TRPC1: variants seen among roughly 807,000 people sequenced by gnomAD.
The protein encoded by TRPC1 is short transient receptor potential channel 1.
In TRPC1, 42 loss-of-function variants were observed where a neutral mutation model predicts 88.2. The ratio of observed to expected loss-of-function variants is 0.48; its 90% CI spans 0.37 to 0.62. TRPC1 has a LOEUF of 0.62. Ranked by LOEUF, TRPC1 falls within the 20% of genes least tolerant of loss-of-function variation. The probability of loss-of-function intolerance (pLI) is 0.00; values close to 1 mark genes in which losing one functional copy is unlikely to be tolerated. For synonymous variants in TRPC1, 288 were observed against 331.8 expected, an observed-to-expected ratio of 0.87 and a Z score of 1.43; for missense variants, 699 against 957.3, an observed-to-expected ratio of 0.73 and a Z score of 3.56.
chr3:142,753,959 C>T (rs573753183), intron 4 of TRPC1, among the ~76,000 whole-genome samples: 7 of 151,928 alleles, frequency 4.6e-5, no homozygotes, highest in Admixed American at 1.3e-4. Flanking sequence ...GTGACTTGTA[C>T]CTGTGGTCCC....
intron 1 of TRPC1, among the ~76,000 whole-genome samples, chr3:142,728,713 A>G (rs574376808): frequency 6.6e-6 from 1 of 152,382 alleles, no homozygotes; most frequent in South Asian, 2.1e-4. Flanking sequence ...CAGAGTCAGA[A>G]GAAAAAAGTG....
chr3:142,740,783 TGAAAG>T (rs1934316144), intron 2 of TRPC1, among the ~76,000 whole-genome samples: 4 of 151,998 alleles, frequency 2.6e-5, no homozygotes, highest in Admixed American at 2.6e-4. Flanking sequence ...TTTGACACAA[TGAAAG>T]GAAGAAGAAA....
At chr3:142,744,202 A>G (rs1934455371) in intron 3 of TRPC1, among the ~76,000 whole-genome samples, 1 of 152,112 alleles carries the variant, frequency 6.6e-6, no homozygotes, top group African/African-American at 2.4e-5. Flanking sequence ...ATGATAATCA[A>G]ATACAGTAAG....
chr3:142,803,875 G>T, intron 10 of TRPC1, 102 bp from the exon 11 acceptor site: 3 of 1,199,282 alleles, frequency 2.5e-6, no homozygotes, highest in Admixed American at 4.4e-5. Context: ...ACTTTTCATG[G>T]ATTATCAATG....
At chr3:142,785,281 A>T (rs904971496) in intron 7 of TRPC1, 13 of 335,914 alleles carry the variant, frequency 3.9e-5, no homozygotes, top group Non-Finnish European at 5.9e-5. Flanking sequence ...ATGGAATTTT[A>T]AAATTATTTA....
chr3:142,773,724 C>T (rs1230564953), intron 4 of TRPC1, among the ~76,000 whole-genome samples: 1 of 145,982 alleles, frequency 6.9e-6, no homozygotes, highest in Admixed American at 7.0e-5. Flanking sequence ...ACCCTCTTTC[C>T]TGGGGCTTGT....
Position 142,724,803 on chromosome 3 carries a change from C to T in TRPC1, c.172+72C>T. On this transcript the variant is annotated intron_variant, in intron 1 of 12. Transcript: ENST00000476941. This position sits in a 1 kb window ranked among gnomAD's most constrained non-coding sequence, Gnocchi z 5.6. ...CCTTTAGTCCTCTCCCCCGCCTCAA[C>T]TTATATCGGGGCATTCCCTCTGTCT... 7.0e-7 allele frequency: 1 copy of T among 1,430,956 alleles called. No individual in the cohort carries two copies. The highest frequency in any genetic ancestry group is 9.2e-7 in the Non-Finnish European group (1 of 1,082,226). 88.6% of individuals were successfully genotyped at this position (1,430,956 alleles called of 1,614,324 possible). A position where few individuals can be genotyped will look rare whatever the true frequency, so the allele number is the denominator to read the frequency against.
chr3:142,788,820 A>G (rs962784042), intron 7 of TRPC1, among the ~76,000 whole-genome samples: 17 of 152,124 alleles, frequency 1.1e-4, no homozygotes, highest in Admixed American at 1.1e-3. Flanking sequence ...GATTAGTTTC[A>G]ACTTACTATG....
intron 4 of TRPC1, among the ~76,000 whole-genome samples, chr3:142,777,295 G>C (rs1393251295): frequency 6.6e-6 from 1 of 152,010 alleles, no homozygotes; most frequent in Non-Finnish European, 1.5e-5. Context: ...GCGAGACCCT[G>C]TCTTTTAAGT....
At chr3:142,743,995 G>A (rs1934446948) in intron 3 of TRPC1, among the ~76,000 whole-genome samples, 1 of 152,050 alleles carries the variant, frequency 6.6e-6, no homozygotes, top group Admixed American at 6.6e-5. Context: ...AAATCACAGT[G>A]GCACAGTTTT....
intron 2 of TRPC1, among the ~76,000 whole-genome samples, chr3:142,738,589 C>G (rs1052218554): frequency 2.0e-5 from 3 of 152,054 alleles, no homozygotes; most frequent in African/African-American, 7.2e-5. Context: ...TCTGAAGATA[C>G]TTTGGTTTCA....
intron 4 of TRPC1, among the ~76,000 whole-genome samples, chr3:142,775,956 C>T (rs1038672341): frequency 2.0e-5 from 3 of 152,112 alleles, no homozygotes; most frequent in Admixed American, 1.3e-4. Context: ...AATACAAATG[C>T]CATATTCCCT....
At chr3:142,751,026 G>C (rs182079421) in intron 4 of TRPC1, among the ~76,000 whole-genome samples, 1 of 152,304 alleles carries the variant, frequency 6.6e-6, no homozygotes, top group East Asian at 1.9e-4. Flanking sequence ...GTATGTGTTT[G>C]TGTTTTAAGC....
At position 142,806,728 on chromosome 3, in the gene TRPC1, AT is replaced by A. The variant is rs1936806362; in HGVS notation, c.*499del. ...TTTATTTTATCTAAAATAATAGTCTATTTTTTCTTTTGTATTTTGTTATAAT... is the reference window on the plus strand; with the variant it reads ...TTTATTTTATCTAAAATAATAGTCTATTTTTCTTTTGTATTTTGTTATAAT... On this transcript the variant is annotated 3_prime_UTR_variant, in exon 13 of 13. Coordinates refer to ENST00000476941, the MANE Select transcript of TRPC1 (RefSeq NM_001251845.2). The A allele has an allele frequency of 1.3e-5, 2 of 151,998 alleles. No homozygotes were observed. Among genetic ancestry groups the A allele is most frequent in the Non-Finnish European group, 2.9e-5 (2 of 67,966 alleles). The allele number at this position is 151,998 out of a possible 1,614,324, so 9.4% of individuals were successfully genotyped here. A position where few individuals can be genotyped will look rare whatever the true frequency, so the allele number is the denominator to read the frequency against.
rs75369983 is a variant in TRPC1, at chr3:142,781,305, T to C, written c.960+276T>C. On this transcript the variant is annotated intron_variant, in intron 6 of 12. Transcript: ENST00000476941. ...TTTTTAGTAATATTGATTATAATTA[T>C]AACATGGATGTTGATTTAATGTTTT... Among the ~76,000 whole-genome samples the C allele has an allele frequency of 5.8e-3, 890 of 152,312 alleles. 27 individuals are homozygous for C. In the East Asian group the frequency reaches 0.088, roughly 15 times the overall value.
At position 142,804,185 on chromosome 3, in the gene TRPC1, T is replaced by G. The variant is rs2108167715; in HGVS notation, c.1959+7T>G. On this transcript the variant is annotated splice_region_variant and intron_variant, in intron 11 of 12. Transcript: ENST00000476941. ...AAGCTTTCAGTTGATAGCAGTAAGT[T>G]CATTCTTTTAAAAACTTTATATTCT... The G allele has an allele frequency of 6.2e-7, 1 of 1,613,678 alleles. No homozygotes were observed. Among genetic ancestry groups the G allele is most frequent in the African/African-American group, 1.3e-5 (1 of 75,042 alleles).
intron 1 of TRPC1, among the ~76,000 whole-genome samples, chr3:142,735,194 G>A (rs1468856359): frequency 6.6e-6 from 1 of 152,206 alleles, no homozygotes; most frequent in African/African-American, 2.4e-5. Context: ...TTCAAAAGAA[G>A]TTGTATGTGT....
At chr3:142,796,550 G>A (rs1936456536) in intron 9 of TRPC1, among the ~76,000 whole-genome samples, 1 of 151,818 alleles carries the variant, frequency 6.6e-6, no homozygotes, top group South Asian at 2.1e-4. Flanking sequence ...CTTTATTCTT[G>A]TAGCTTAGTA....
chr3:142,789,822 C>T (rs956861943), intron 7 of TRPC1, among the ~76,000 whole-genome samples: 2 of 152,052 alleles, frequency 1.3e-5, no homozygotes, highest in Non-Finnish European at 2.9e-5. Context: ...TATATTTATT[C>T]ATTTGGCAAT....
Sources: gnomAD v4.1 joint callset for allele counts (sites outside exome capture counted in the v4.1 genomes callset) on GRCh38, gnomAD v4.1.1 for gene constraint, Gnocchi (gnomAD v3.1) non-coding constraint, MANE v1.5 for transcripts, NCBI Gene and HGNC (gene_info 2026-07-23, HGNC 2026-07-21) for gene names.